The following PNPLA8 variants were observed in gnomAD, a reference collection of about 807,000 sequenced individuals.
PNPLA8 encodes the protein patatin like domain 8, phospholipase A2.
Under a neutral mutation model 76.9 loss-of-function variants are expected in PNPLA8, and 39 were observed. That is an observed-to-expected ratio of 0.51 (90% confidence interval 0.39 to 0.66). The LOEUF is 0.66. Ranked by LOEUF, PNPLA8 falls within the 30% of genes least tolerant of loss-of-function variation. The pLI is 0.00. For missense variants in PNPLA8, 887 were observed against 918.0 expected (o/e 0.97, Z 0.44); for synonymous variants, 301 against 307.9 (o/e 0.98, Z 0.24).
intron 1 of PNPLA8, among the ~76,000 whole-genome samples, chr7:108,522,433 A>C (rs1863812056): frequency 6.6e-6 from 1 of 152,050 alleles, no homozygotes; most frequent in African/African-American, 2.4e-5. Flanking sequence ...TCTTCTACTG[A>C]TAGTAACTCT....
intron 10 of PNPLA8, among the ~76,000 whole-genome samples, chr7:108,478,549 C>A (rs111439870): frequency 1.2e-3 from 184 of 152,156 alleles, no homozygotes; most frequent in African/African-American, 3.8e-3. Flanking sequence ...CACTACCATG[C>A]CTGGCTAATT....
rs1863196456 is a variant in PNPLA8, at chr7:108,514,831, T to C, written c.661A>G (p.Met221Val). 6.2e-7 allele frequency: 1 copy of C among 1,611,730 alleles called. No homozygotes were observed. Among genetic ancestry groups the C allele is most frequent in the Non-Finnish European group, 8.5e-7 (1 of 1,178,162 alleles). Residue 221 changes from methionine (M) to valine (V), a missense_variant, in exon 3 of 11, where the codon ATG becomes GTG. Met to Val is a conservative substitution (Grantham distance 21, BLOSUM62 1). Coordinates refer to ENST00000257694, the MANE Select transcript of PNPLA8 (RefSeq NM_001256007.3). The part of the protein sequence containing the change: ...INSYFKRKEK[M>V]SQQKENEHFR... ...TGTTCATTTTCCTTTTGTTGAGACA[T>C]TTTTTCCTTACGTTTGAAATATGAA...
intron 10 of PNPLA8, among the ~76,000 whole-genome samples, chr7:108,477,018 C>T (rs1860047015): frequency 6.6e-6 from 1 of 152,114 alleles, no homozygotes; most frequent in South Asian, 2.1e-4. Flanking sequence ...TCAAAGGGTA[C>T]AAATTTTCAG....
intron 10 of PNPLA8, among the ~76,000 whole-genome samples, chr7:108,477,613 A>G (rs745619623): frequency 6.6e-6 from 1 of 152,208 alleles, no homozygotes; most frequent in Non-Finnish European, 1.5e-5. Context: ...TAATCCTAGC[A>G]CTTCAGGAGG....
At chr7:108,488,315 C>A (rs1860898125) in intron 8 of PNPLA8, among the ~76,000 whole-genome samples, 1 of 152,242 alleles carries the variant, frequency 6.6e-6, no homozygotes, top group Non-Finnish European at 1.5e-5. Flanking sequence ...CACAGTGGCT[C>A]ACGCCAGTAA....
chr7:108,492,900 T>C (rs1861285727), intron 7 of PNPLA8, among the ~76,000 whole-genome samples: 1 of 152,164 alleles, frequency 6.6e-6, no homozygotes, highest in Admixed American at 6.5e-5. Context: ...TCAACAAACA[T>C]GCCATTAAAC....
rs749844247 is a variant in PNPLA8 at position 108,493,832 on chromosome 7, TAAATG to T, written c.1626-2370_1626-2366del. 7.9e-5 allele frequency among the ~76,000 whole-genome samples: 12 copies of T among 152,028 alleles called. 1 individual carries two copies. The highest frequency in any genetic ancestry group is 1.3e-4 in the Non-Finnish European group (9 of 67,992). On this transcript the variant is annotated intron_variant, in intron 7 of 10. Coordinates refer to ENST00000257694, the MANE Select transcript of PNPLA8 (RefSeq NM_001256007.3). Reference sequence around the variant, plus strand: ...GTAGCCTAAGATTAACTTTGAAAATTAAATGAAAATTGTGTAAAAGAATAATGAGA... The same window carrying T: ...GTAGCCTAAGATTAACTTTGAAAATTAAAATTGTGTAAAAGAATAATGAGA...
chr7:108,525,146 T>C (rs568074511), intron 1 of PNPLA8, among the ~76,000 whole-genome samples: 3 of 152,334 alleles, frequency 2.0e-5, no homozygotes, highest in Admixed American at 6.5e-5. Flanking sequence ...TGTTCTTATA[T>C]TGAAAGGACA....
At chr7:108,520,990 G>C (rs1863695604) in intron 2 of PNPLA8, among the ~76,000 whole-genome samples, 2 of 152,056 alleles carry the variant, frequency 1.3e-5, no homozygotes, top group Admixed American at 6.5e-5. Context: ...CACAGGCCTG[G>C]AACAGCAGTC....
chr7:108,517,935 G>C (rs1416779973), intron 2 of PNPLA8, among the ~76,000 whole-genome samples: 1 of 152,128 alleles, frequency 6.6e-6, no homozygotes, highest in Admixed American at 6.6e-5. Flanking sequence ...GCCTGGCTTA[G>C]GTAGCTTATA....
At chr7:108,526,467 G>T (rs1864095884), upstream of PNPLA8, 1 of 153,254 alleles carries the variant, frequency 6.5e-6, no homozygotes, top group Non-Finnish European at 1.5e-5. Context: ...CTTCCTGGGC[G>T]GGACCTCGGA....
rs558273792 is a variant in PNPLA8, at chr7:108,472,435, A to T, written c.2315T>A (p.Met772Lys). ...TGAAAAGAATGGAAGTCCTTCATAC[A>T]TATCAGTTTTTAATTTTATCCAATC... ...INDWIKLKTDMYEGLPFFSKL is the reference protein window; with the variant it reads ...INDWIKLKTDKYEGLPFFSKL Residue 772 changes from methionine (M) to lysine (K), a missense_variant, in exon 11 of 11, where the codon ATG becomes AAG. Coordinates refer to ENST00000257694, the MANE Select transcript of PNPLA8 (RefSeq NM_001256007.3). 3.4e-5 allele frequency: 54 copies of T among 1,592,338 alleles called. No homozygotes were observed. Among genetic ancestry groups the T allele is most frequent in the Middle Eastern group, 3.4e-4 (2 of 5,962 alleles).
At chr7:108,499,641 C>A (rs1861803101) in intron 5 of PNPLA8, among the ~76,000 whole-genome samples, 1 of 152,170 alleles carries the variant, frequency 6.6e-6, no homozygotes, top group South Asian at 2.1e-4. Flanking sequence ...ATGCAAGTGG[C>A]AGTGCTCTAG....
chr7:108,516,842 C>T (rs892958355), intron 2 of PNPLA8, among the ~76,000 whole-genome samples: 28 of 152,068 alleles, frequency 1.8e-4, no homozygotes, highest in African/African-American at 5.8e-4. Flanking sequence ...GCAGAGGTTA[C>T]AGCGAGCCAA....
At chr7:108,518,177 C>T (rs1162261724) in intron 2 of PNPLA8, 1 of 152,220 alleles carries the variant, frequency 6.6e-6, no homozygotes, top group Non-Finnish European at 1.5e-5. Context: ...CTAATCACCT[C>T]CCAAAGACCT....
chr7:108,506,393 A>G (rs1326347974), intron 4 of PNPLA8, among the ~76,000 whole-genome samples: 1 of 152,124 alleles, frequency 6.6e-6, no homozygotes, highest in Admixed American at 6.6e-5. Context: ...AAAAATTACA[A>G]AATAAAGTGT....
At chr7:108,520,139 A>G (rs1205061020) in intron 2 of PNPLA8, among the ~76,000 whole-genome samples, 1 of 152,144 alleles carries the variant, frequency 6.6e-6, no homozygotes, top group Non-Finnish European at 1.5e-5. Context: ...TTTGTATGCC[A>G]TTTCTCTTAC....
chr7:108,486,791 T>C (rs527912648), intron 9 of PNPLA8, among the ~76,000 whole-genome samples: 11 of 152,242 alleles, frequency 7.2e-5, no homozygotes, highest in African/African-American at 2.6e-4. Context: ...GATCTATGTA[T>C]GAGTTTTTGA....
chr7:108,497,585 A>C lies in PNPLA8; in HGVS notation c.1359-8T>G. ...TGGAGAGCAACCACGCCCCTACAGA[A>C]AAGATTAAAGACAAAATGACAATTC... On this transcript the variant is annotated splice_region_variant and splice_polypyrimidine_tract_variant and intron_variant, in intron 5 of 10. Transcript: ENST00000257694. The C allele has an allele frequency of 6.6e-7, 1 of 1,518,972 alleles. No individual in the cohort carries two copies. Among genetic ancestry groups the C allele is most frequent in the South Asian group, 1.2e-5 (1 of 80,162 alleles). 94.1% of individuals were successfully genotyped at this position (1,518,972 alleles called of 1,614,324 possible). A position where few individuals can be genotyped will look rare whatever the true frequency, so the allele number is the denominator to read the frequency against.
Sources: allele counts gnomAD v4.1 joint callset (sites outside exome capture counted in the v4.1 genomes callset), GRCh38; gene constraint gnomAD v4.1.1; transcripts MANE v1.5; gene names NCBI Gene and HGNC (gene_info 2026-07-23, HGNC 2026-07-21).